The following PTPRD variants were observed in gnomAD, a reference collection of about 807,000 sequenced individuals.
The protein encoded by PTPRD is protein tyrosine phosphatase receptor type D.
Under a neutral mutation model 214.5 loss-of-function variants are expected in PTPRD, and 34 were observed. The observed-to-expected ratio is 0.16, with a 90% CI of 0.12 to 0.21. The LOEUF (loss-of-function observed/expected upper bound fraction) is 0.21. Ranked by LOEUF, PTPRD falls within the 10% of genes least tolerant of loss-of-function variation. The pLI is 1.00. For missense variants in PTPRD, 2,545 were observed against 2,398.7 expected (o/e 1.06, Z -1.27); for synonymous variants, 1,128 against 845.7 (o/e 1.33, Z -5.79).
chr9:9,461,175 G>A (rs10977779), intron 8 of PTPRD, among the ~76,000 whole-genome samples: 11,926 of 145,756 alleles, frequency 0.082, 543 homozygotes, highest in Non-Finnish European at 0.11. Flanking sequence ...CTAAAATGTA[G>A]GAGAATGGAA....
At chr9:8,648,224 A>G (rs1705940234) in intron 12 of PTPRD, among the ~76,000 whole-genome samples, 1 of 152,252 alleles carries the variant, frequency 6.6e-6, no homozygotes, top group East Asian at 1.9e-4. Context: ...TACAGCAACG[A>G]AAACTGTATG....
At chr9:9,156,907 T>G (rs990083255) in intron 10 of PTPRD, among the ~76,000 whole-genome samples, 3 of 152,294 alleles carry the variant, frequency 2.0e-5, no homozygotes, top group Admixed American at 1.3e-4. Context: ...TCAAAGGAGA[T>G]AAGAAATATG....
intron 10 of PTPRD, among the ~76,000 whole-genome samples, chr9:9,131,759 TA>T (rs2099842987): frequency 6.6e-6 from 1 of 152,248 alleles, no homozygotes; most frequent in South Asian, 2.1e-4. Flanking sequence ...ATATTTACCA[TA>T]AGAGATTGGT....
At chr9:8,538,979 G>C (rs1035907786) in intron 14 of PTPRD, among the ~76,000 whole-genome samples, 3 of 151,828 alleles carry the variant, frequency 2.0e-5, no homozygotes, top group Non-Finnish European at 4.4e-5. Context: ...AACAAGCAAA[G>C]AAGACACAAC....
chr9:9,205,613 C>G (rs558740766), intron 9 of PTPRD, among the ~76,000 whole-genome samples: 4 of 152,176 alleles, frequency 2.6e-5, no homozygotes, highest in African/African-American at 7.2e-5. Flanking sequence ...GTTTTCTTAG[C>G]ACTAAGCATA....
At chr9:10,364,822 T>A (rs1292216717) in intron 2 of PTPRD, among the ~76,000 whole-genome samples, 1 of 152,198 alleles carries the variant, frequency 6.6e-6, no homozygotes, top group East Asian at 1.9e-4. Flanking sequence ...CCATACGATA[T>A]CTATATTTTC....
At chr9:10,209,817 A>G (rs2099507141) in intron 3 of PTPRD, among the ~76,000 whole-genome samples, 1 of 152,162 alleles carries the variant, frequency 6.6e-6, no homozygotes, top group Non-Finnish European at 1.5e-5. Context: ...TCTACATCAA[A>G]AAAGGGAAAT....
chr9:10,320,198 C>A (rs1166181345), intron 3 of PTPRD, among the ~76,000 whole-genome samples: 1 of 151,856 alleles, frequency 6.6e-6, no homozygotes, highest in East Asian at 1.9e-4. Flanking sequence ...ATAATGATTC[C>A]AGTTACACAT....
chr9:8,743,515 C>T lies in PTPRD; in HGVS notation c.-103-9569G>A, dbSNP rs139219080. Among the ~76,000 whole-genome samples the T allele has an allele frequency of 2.3e-4, 35 of 152,128 alleles. No homozygotes were observed. In the South Asian group the frequency reaches 5.2e-3, roughly 23 times the overall value. On this transcript the variant is annotated intron_variant, in intron 11 of 45. Coordinates refer to ENST00000381196, the MANE Select transcript of PTPRD (RefSeq NM_002839.4). ...CTAGCAATAGAGATCAATAGTGGAA[C>T]GGTGAAAGGCTGTCATAAATGGCTA...
At chr9:9,719,372 T>A (rs2097894220) in intron 7 of PTPRD, among the ~76,000 whole-genome samples, 1 of 152,106 alleles carries the variant, frequency 6.6e-6, no homozygotes, top group Non-Finnish European at 1.5e-5. Context: ...CATAATATAT[T>A]TCTGGCCAGC....
intron 4 of PTPRD, among the ~76,000 whole-genome samples, chr9:9,948,163 G>A (rs535390832): frequency 1.3e-5 from 2 of 152,096 alleles, no homozygotes; most frequent in Admixed American, 1.3e-4. Flanking sequence ...TCATCATTCA[G>A]GGCCCTATTC....
At chr9:8,420,221 A>G (rs775168491) in intron 35 of PTPRD, among the ~76,000 whole-genome samples, 1 of 152,130 alleles carries the variant, frequency 6.6e-6, no homozygotes, top group African/African-American at 2.4e-5. Context: ...TGCATCATTT[A>G]TTTTTGTACT....
chr9:9,010,701 C>A (rs942857909), intron 11 of PTPRD, among the ~76,000 whole-genome samples: 19 of 152,098 alleles, frequency 1.2e-4, no homozygotes, highest in African/African-American at 4.6e-4. Flanking sequence ...CCAGGATGAT[C>A]CTTGATCCTT....
intron 2 of PTPRD, among the ~76,000 whole-genome samples, chr9:10,582,305 T>C (rs1044654739): frequency 6.6e-6 from 1 of 152,148 alleles, no homozygotes; most frequent in East Asian, 1.9e-4. Flanking sequence ...TGTCCTCATA[T>C]TTTCCTTTTC....
chr9:9,296,503 A>C (rs1953105229), intron 9 of PTPRD, among the ~76,000 whole-genome samples: 1 of 151,886 alleles, frequency 6.6e-6, no homozygotes, highest in Non-Finnish European at 1.5e-5. Flanking sequence ...ATTTGTATAC[A>C]CACAAAAACT....
At chr9:9,048,850 G>C (rs2099678890) in intron 10 of PTPRD, among the ~76,000 whole-genome samples, 1 of 152,020 alleles carries the variant, frequency 6.6e-6, no homozygotes, top group Non-Finnish European at 1.5e-5. Context: ...AAATGCTTGA[G>C]GGTATAGATA....
Position 9,610,976 on chromosome 9 carries a change from C to T in PTPRD, c.-286-36195G>A, listed in dbSNP as rs185228765. 2.0e-4 allele frequency among the ~76,000 whole-genome samples: 30 copies of T among 152,258 alleles called. 1 individual carries two copies. The highest frequency in any genetic ancestry group is 1.8e-3 in the Admixed American group (28 of 15,292). ...TGATTGGCAAAAACAAGCAATTAGG[C>T]ACTCAACACATTGATTGAATATGTA... On this transcript the variant is annotated intron_variant, in intron 7 of 45. Coordinates refer to ENST00000381196, the MANE Select transcript of PTPRD (RefSeq NM_002839.4).
intron 5 of PTPRD, among the ~76,000 whole-genome samples, chr9:9,875,786 C>T (rs1054059846): frequency 6.4e-4 from 98 of 152,088 alleles, no homozygotes; most frequent in African/African-American, 2.3e-3. Flanking sequence ...AATAACAATC[C>T]ACAACACCAG....
At chr9:8,344,937 C>T (rs979730081) in intron 39 of PTPRD, among the ~76,000 whole-genome samples, 1 of 48,206 alleles carries the variant, frequency 2.1e-5, no homozygotes, top group Admixed American at 2.2e-4. Flanking sequence ...AAGGCAGTTA[C>T]TTTCTAGGTA....
Sources: allele counts gnomAD v4.1 joint callset (sites outside exome capture counted in the v4.1 genomes callset), GRCh38; gene constraint gnomAD v4.1.1; transcripts MANE v1.5; gene names NCBI Gene and HGNC (gene_info 2026-07-23, HGNC 2026-07-21).